The following CAB39L variants were observed in gnomAD, a reference collection of about 807,000 sequenced individuals.
CAB39L encodes the protein calcium-binding protein 39-like.
CAB39L carries 23 observed loss-of-function variants against 39.1 expected under a neutral mutation model. The observed-to-expected ratio is 0.59, with a 90% confidence interval of 0.42 to 0.83. The LOEUF is 0.83. CAB39L is among the 40% of genes least tolerant of loss of function. The probability of loss-of-function intolerance (pLI) is 0.00; values close to 1 mark genes in which losing one functional copy is unlikely to be tolerated. For missense variants in CAB39L, 366 were observed against 391.9 expected (o/e 0.93, Z 0.56); for synonymous variants, 126 against 137.2 (o/e 0.92, Z 0.57).
chr13:49,374,159 T>C (rs1392996606), intron 5 of CAB39L, among the ~76,000 whole-genome samples: 1 of 152,220 alleles, frequency 6.6e-6, no homozygotes, highest in Admixed American at 6.5e-5. Flanking sequence ...GAGTATCACA[T>C]TCACTTATAA....
chr13:49,324,266 G>A (rs963604746), intron 10 of CAB39L, among the ~76,000 whole-genome samples: 6 of 151,484 alleles, frequency 4.0e-5, no homozygotes, highest in Non-Finnish European at 7.4e-5. Context: ...GCAGTGAGCC[G>A]AGATCACACC....
At chr13:49,330,130 G>T (rs1954647681) in intron 10 of CAB39L, among the ~76,000 whole-genome samples, 1 of 152,152 alleles carries the variant, frequency 6.6e-6, no homozygotes, top group African/African-American at 2.4e-5. Context: ...ACCCAAGACA[G>T]CTACCAGAAC....
intron 6 of CAB39L, among the ~76,000 whole-genome samples, chr13:49,353,337 T>TA (rs1171799209): frequency 7.9e-5 from 12 of 152,154 alleles, no homozygotes; most frequent in Non-Finnish European, 1.3e-4. Flanking sequence ...CATTTATTGA[T>TA]AGAGTACTCA....
chr13:49,396,802 G>A (rs6420299), intron 3 of CAB39L, among the ~76,000 whole-genome samples: 104,814 of 152,040 alleles, frequency 0.69, 36,723 homozygotes, highest in Middle Eastern at 0.86. Context: ...ATGAAATCAA[G>A]TGTACATGGC....
intron 3 of CAB39L, among the ~76,000 whole-genome samples, chr13:49,403,212 T>C (rs1403801866): frequency 6.6e-6 from 1 of 152,100 alleles, no homozygotes; most frequent in Non-Finnish European, 1.5e-5. Flanking sequence ...AATCTCATAA[T>C]ATACAGGAAA....
intron 3 of CAB39L, among the ~76,000 whole-genome samples, chr13:49,385,733 G>C (rs1285717916): frequency 6.6e-6 from 1 of 152,160 alleles, no homozygotes; most frequent in Non-Finnish European, 1.5e-5. Context: ...AAGTGAGACA[G>C]GGGAACGGCC....
At chr13:49,397,030 T>C (rs956065998) in intron 3 of CAB39L, among the ~76,000 whole-genome samples, 1 of 152,194 alleles carries the variant, frequency 6.6e-6, no homozygotes, top group Non-Finnish European at 1.5e-5. Context: ...AGAATTGCCT[T>C]CACAGAGATG....
intron 1 of CAB39L, among the ~76,000 whole-genome samples, chr13:49,441,292 C>A (rs7982598): frequency 0.79 from 117,355 of 148,876 alleles, 47,044 homozygotes; most frequent in African/African-American, 0.93. Context: ...AGGAGGTTCC[C>A]GGCTAGGTAC....
chr13:49,338,130 T>C (rs1366987423), intron 9 of CAB39L, among the ~76,000 whole-genome samples: 1 of 152,218 alleles, frequency 6.6e-6, no homozygotes, highest in Non-Finnish European at 1.5e-5. Context: ...CCTGGCAGTA[T>C]TTTAGAAAAG....
intron 8 of CAB39L, 43 bp downstream of exon 8, chr13:49,344,136 G>A: frequency 8.7e-7 from 1 of 1,144,720 alleles, no homozygotes; most frequent in South Asian, 1.2e-5. Context: ...AAAAGGGAGG[G>A]AGAGAGAAAG....
intron 4 of CAB39L, 99 bp from the exon 5 acceptor site, chr13:49,377,230 C>T (rs1399698639): frequency 1.1e-6 from 1 of 949,920 alleles, no homozygotes; most frequent in East Asian, 2.4e-5. Flanking sequence ...TGGTCTTGGG[C>T]TCTGTTTATT....
chr13:49,416,480 C>CTGAT (rs1032765799), intron 3 of CAB39L, among the ~76,000 whole-genome samples: 1 of 152,174 alleles, frequency 6.6e-6, no homozygotes, highest in African/African-American at 2.4e-5. Flanking sequence ...GCTCAGCAAA[C>CTGAT]TGATTTTATG....
chr13:49,354,710 C>T (rs1955442606), intron 6 of CAB39L, among the ~76,000 whole-genome samples: 1 of 152,114 alleles, frequency 6.6e-6, no homozygotes, highest in South Asian at 2.1e-4. Context: ...ATAGTCTGGA[C>T]TATAATGAAC....
chr13:49,368,318 G>T (rs78497401), intron 5 of CAB39L, among the ~76,000 whole-genome samples: 1 of 152,150 alleles, frequency 6.6e-6, no homozygotes, highest in Non-Finnish European at 1.5e-5. Context: ...TGCTACCAGG[G>T]ACCGCTTCCC....
At chr13:49,320,353 G>A (rs1358073797) in intron 10 of CAB39L, among the ~76,000 whole-genome samples, 1 of 152,106 alleles carries the variant, frequency 6.6e-6, no homozygotes, top group East Asian at 1.9e-4. Flanking sequence ...CCGCCTTATT[G>A]CCTGTATCCC....
intron 3 of CAB39L, among the ~76,000 whole-genome samples, chr13:49,426,904 T>C (rs1041278611): frequency 2.0e-5 from 3 of 152,236 alleles, no homozygotes; most frequent in Non-Finnish European, 4.4e-5. Flanking sequence ...CTTATGAAGG[T>C]TGAGGAAAAT....
chr13:49,375,524 T>C (rs745855358), intron 5 of CAB39L, among the ~76,000 whole-genome samples: 1 of 151,788 alleles, frequency 6.6e-6, no homozygotes, highest in Non-Finnish European at 1.5e-5. Context: ...AAGAAAAAGA[T>C]TCTGAGCAAA....
intron 5 of CAB39L, among the ~76,000 whole-genome samples, chr13:49,363,721 G>A (rs1261335770): frequency 1.3e-5 from 2 of 151,674 alleles, no homozygotes; most frequent in Non-Finnish European, 2.9e-5. Context: ...TACTTGGGAG[G>A]CTGAGGTGTA....
intron 5 of CAB39L, among the ~76,000 whole-genome samples, chr13:49,369,859 T>C (rs1955869501): frequency 6.6e-6 from 1 of 152,206 alleles, no homozygotes; most frequent in African/African-American, 2.4e-5. Context: ...GTGCTGGGAT[T>C]ACAGGCGTGA....
Sources: allele counts gnomAD v4.1 joint callset (sites outside exome capture counted in the v4.1 genomes callset), GRCh38; gene constraint gnomAD v4.1.1; transcripts MANE v1.5; gene names NCBI Gene and HGNC (gene_info 2026-07-23, HGNC 2026-07-21).